The following CTIF variants were observed in gnomAD, a reference collection of about 807,000 sequenced individuals.
CTIF encodes the protein cap binding complex dependent translation initiation factor.
Under a neutral mutation model 66.0 loss-of-function variants are expected in CTIF, and 21 were observed. That is an observed-to-expected ratio of 0.32 (90% CI 0.23 to 0.46). The LOEUF (loss-of-function observed/expected upper bound fraction) is 0.46. Ranked by LOEUF, CTIF falls within the 20% of genes least tolerant of loss-of-function variation. The pLI, the probability that CTIF is intolerant of heterozygous loss-of-function variation, is 1.00. For missense variants in CTIF, 739 were observed against 812.7 expected, an observed-to-expected ratio of 0.91 and a Z score of 1.10; for synonymous variants, 345 against 326.4, an observed-to-expected ratio of 1.06 and a Z score of -0.62.
chr18:48,584,021 G>A (rs1244961780), intron 1 of CTIF, among the ~76,000 whole-genome samples: 2 of 152,148 alleles, frequency 1.3e-5, no homozygotes, highest in Non-Finnish European at 2.9e-5. Flanking sequence ...TGTGAGAATC[G>A]GAAATAGACA....
intron 1 of CTIF, among the ~76,000 whole-genome samples, chr18:48,551,770 A>G (rs1256083723): frequency 6.6e-6 from 1 of 151,322 alleles, no homozygotes; most frequent in Non-Finnish European, 1.5e-5. Context: ...TTTCTCCTGA[A>G]ACCTGGGTGA....
chr18:48,727,633 C>A (rs923552259), intron 7 of CTIF, among the ~76,000 whole-genome samples: 12 of 152,176 alleles, frequency 7.9e-5, no homozygotes, highest in Admixed American at 2.6e-4. Context: ...CAAGACCATC[C>A]CTTCTCTCCG....
At chr18:48,750,493 T>G (rs1377209624) in intron 7 of CTIF, among the ~76,000 whole-genome samples, 1 of 152,200 alleles carries the variant, frequency 6.6e-6, no homozygotes, top group Non-Finnish European at 1.5e-5. Context: ...GAGGCAGCAA[T>G]GAAGCCAGAG....
At chr18:48,719,806 TG>T (rs889776541) in intron 7 of CTIF, among the ~76,000 whole-genome samples, 1 of 152,246 alleles carries the variant, frequency 6.6e-6, no homozygotes, top group Non-Finnish European at 1.5e-5. Context: ...AACATAGTAC[TG>T]AAGTGCCGTC....
chr18:48,569,021 T>C (rs1314484277), intron 1 of CTIF, among the ~76,000 whole-genome samples: 1 of 152,164 alleles, frequency 6.6e-6, no homozygotes, highest in East Asian at 1.9e-4. Flanking sequence ...GGTCACCTTC[T>C]TGCAGTGCCC....
At chr18:48,837,366 C>T (rs2068835513) in intron 10 of CTIF, among the ~76,000 whole-genome samples, 1 of 152,088 alleles carries the variant, frequency 6.6e-6, no homozygotes, top group Admixed American at 6.5e-5. Flanking sequence ...ACTCAGAGGA[C>T]ACCGAGACCA....
intron 10 of CTIF, among the ~76,000 whole-genome samples, chr18:48,821,246 C>A (rs540136684): frequency 2.6e-5 from 4 of 152,252 alleles, no homozygotes. Context: ...AGCCTCTTCA[C>A]GTTGCCTTGT....
At chr18:48,731,304 T>C (rs1456908469) in intron 7 of CTIF, among the ~76,000 whole-genome samples, 1 of 152,086 alleles carries the variant, frequency 6.6e-6, no homozygotes, top group Non-Finnish European at 1.5e-5. Flanking sequence ...CAGCAGCTGA[T>C]GGGCATCACT....
rs533648465 is a variant in CTIF, at chr18:48,841,021, G to GCC, written c.1528-16566_1528-16565insCC. 2.6e-3 allele frequency among the ~76,000 whole-genome samples: 389 copies of GCC among 152,302 alleles called. 1 individual carries two copies. The highest frequency in any genetic ancestry group is 6.8e-3 in the Middle Eastern group (2 of 294). On this transcript the variant is annotated intron_variant, in intron 10 of 11. Coordinates refer to ENST00000256413, the MANE Select transcript of CTIF (RefSeq NM_014772.3). Reference sequence around the variant, plus strand: ...TTTCTTCAAAATTCCGTGCTTGGTGGCAGAGGAGTGGGCCAGTGTGTCCCT... The same window carrying GCC: ...TTTCTTCAAAATTCCGTGCTTGGTGGCCCAGAGGAGTGGGCCAGTGTGTCCCT...
chr18:48,844,056 T>G (rs1038861004), intron 10 of CTIF, among the ~76,000 whole-genome samples: 2 of 152,232 alleles, frequency 1.3e-5, no homozygotes, highest in Non-Finnish European at 2.9e-5. Context: ...AGCATGAGGA[T>G]TCCGAAGGTG....
chr18:48,696,385 G>T (rs1449586069), intron 6 of CTIF, among the ~76,000 whole-genome samples: 1 of 152,192 alleles, frequency 6.6e-6, no homozygotes, highest in African/African-American at 2.4e-5. Context: ...GTCACAGTTT[G>T]GGCTGGCCTA....
At position 48,761,778 on chromosome 18, in the gene CTIF, C is replaced by A; in HGVS notation, c.1371+89C>A. On this transcript the variant is annotated intron_variant, in intron 9 of 11. Coordinates refer to ENST00000256413, the MANE Select transcript of CTIF (RefSeq NM_014772.3). This position sits in a 1 kb window ranked among gnomAD's most constrained non-coding sequence, Gnocchi z 4.2. ...CTAGCGAGAAGGCTGCGAGTTCTGG[C>A]CACAGTTGGACTTTTCCCAAGTTCC... 1.5e-6 allele frequency: 2 copies of A among 1,322,000 alleles called. No homozygotes were observed. The highest frequency in any genetic ancestry group is 2.1e-6 in the Non-Finnish European group (2 of 960,542). 81.9% of individuals were successfully genotyped at this position (1,322,000 alleles called of 1,614,324 possible).
intron 3 of CTIF, among the ~76,000 whole-genome samples, chr18:48,653,350 A>T (rs2091191528): frequency 6.6e-6 from 1 of 152,224 alleles, no homozygotes; most frequent in African/African-American, 2.4e-5. Context: ...CAGAGAGCCA[A>T]ATCGTGAGTG....
chr18:48,854,829 CAG>C (rs765650422), intron 10 of CTIF, among the ~76,000 whole-genome samples: 19 of 152,150 alleles, frequency 1.2e-4, no homozygotes, highest in Non-Finnish European at 2.4e-4. Flanking sequence ...AGGCTGAGGA[CAG>C]AGGATTGCTC....
intron 10 of CTIF, among the ~76,000 whole-genome samples, chr18:48,818,850 G>T (rs2068424027): frequency 6.6e-6 from 1 of 152,134 alleles, no homozygotes; most frequent in African/African-American, 2.4e-5. Flanking sequence ...CAGGTCACGG[G>T]CCCTGGGTGT....
chr18:48,620,549 T>A (rs1252187560), intron 2 of CTIF, among the ~76,000 whole-genome samples: 1 of 152,182 alleles, frequency 6.6e-6, no homozygotes, highest in Non-Finnish European at 1.5e-5. Flanking sequence ...TGGGGCTGTG[T>A]TTTCTTATCT....
intron 7 of CTIF, among the ~76,000 whole-genome samples, chr18:48,731,646 C>G (rs1187116612): frequency 6.6e-6 from 1 of 152,192 alleles, no homozygotes; most frequent in South Asian, 2.1e-4. Context: ...TGGAAATTAT[C>G]CATATAAACC....
intron 5 of CTIF, among the ~76,000 whole-genome samples, chr18:48,669,175 G>A (rs1306261207): frequency 6.6e-6 from 1 of 151,128 alleles, no homozygotes; most frequent in Non-Finnish European, 1.5e-5. Flanking sequence ...CTGTCTGAGG[G>A]CAGGAACCAA....
intron 9 of CTIF, among the ~76,000 whole-genome samples, chr18:48,790,273 C>T (rs1293023467): frequency 6.6e-6 from 1 of 152,236 alleles, no homozygotes; most frequent in East Asian, 1.9e-4. Flanking sequence ...GGAAATAGCT[C>T]ATCCAGGGTC....
Sources: allele counts gnomAD v4.1 joint callset (sites outside exome capture counted in the v4.1 genomes callset), GRCh38; gene constraint gnomAD v4.1.1; non-coding constraint Gnocchi (gnomAD v3.1); transcripts MANE v1.5; gene names NCBI Gene and HGNC (gene_info 2026-07-23, HGNC 2026-07-21).